PAX5: variants seen among roughly 807,000 people sequenced by gnomAD.
PAX5 encodes the protein paired box 5.
Under a neutral mutation model 43.7 loss-of-function variants are expected in PAX5, and 9 were observed. The observed-to-expected ratio is 0.21, with a 90% CI of 0.12 to 0.36. The LOEUF (loss-of-function observed/expected upper bound fraction) is 0.36. PAX5 is among the 10% of genes least tolerant of loss of function. The probability of loss-of-function intolerance (pLI) is 1.00; values close to 1 mark genes in which losing one functional copy is unlikely to be tolerated. For missense variants in PAX5, 383 were observed against 532.7 expected (o/e 0.72, Z 2.77); for synonymous variants, 228 against 214.3 (o/e 1.06, Z -0.56).
Position 36,966,691 on chromosome 9 carries a change from G to T in PAX5, c.638C>A (p.Ser213Ter). Residue 213 changes from serine (S) to a stop codon, truncating the protein, a stop_gained, in exon 6 of 10, where the codon TCG becomes TAG. Transcript: ENST00000358127. LOFTEE classifies it high-confidence loss of function. ...IQESPVPNGHSLPGRDFLRKQ... is the reference protein window; with the variant it reads ...IQESPVPNGH ...CCGGAGGAAGTCTCTGCCCGGAAGC[G>T]AGTGGCCGTTCGGCACCGGAGACTC... The T allele has an allele frequency of 6.2e-7, 1 of 1,614,200 alleles. No individual in the cohort carries two copies. The highest frequency in any genetic ancestry group is 2.2e-5 in the East Asian group (1 of 44,884).
At chr9:36,981,231 C>T (rs1214268198) in intron 5 of PAX5, among the ~76,000 whole-genome samples, 5 of 139,134 alleles carry the variant, frequency 3.6e-5, no homozygotes, top group African/African-American at 5.3e-5. Flanking sequence ...CCTCACCTAG[C>T]TTTGTTTTCC....
At chr9:36,899,129 A>T (rs1000421922) in intron 7 of PAX5, among the ~76,000 whole-genome samples, 1 of 151,608 alleles carries the variant, frequency 6.6e-6, no homozygotes, top group African/African-American at 2.4e-5. Flanking sequence ...CTTTCCCCCA[A>T]CTCGCCTCCA....
chr9:36,978,424 A>C (rs1536875), intron 5 of PAX5, among the ~76,000 whole-genome samples: 14,942 of 152,216 alleles, frequency 0.098, 925 homozygotes, highest in African/African-American at 0.18. Flanking sequence ...TTATACCTGG[A>C]AGGACCTGGA....
At chr9:36,884,158 C>A (rs1411234561) in intron 7 of PAX5, among the ~76,000 whole-genome samples, 1 of 152,176 alleles carries the variant, frequency 6.6e-6, no homozygotes, top group Non-Finnish European at 1.5e-5. Context: ...TTTCTCCAAG[C>A]TAGCATAATC....
At chr9:36,843,597 A>G (rs1190288702) in intron 9 of PAX5, among the ~76,000 whole-genome samples, 1 of 151,986 alleles carries the variant, frequency 6.6e-6, no homozygotes, top group Non-Finnish European at 1.5e-5. Flanking sequence ...TTTCTGGCCA[A>G]TATCGTTTGT....
chr9:36,907,708 C>T (rs1462949256), intron 7 of PAX5, among the ~76,000 whole-genome samples: 1 of 152,126 alleles, frequency 6.6e-6, no homozygotes, highest in East Asian at 1.9e-4. Flanking sequence ...AATTAAACAA[C>T]AATGCAGAGA....
At chr9:36,972,060 T>C (rs577361645) in intron 5 of PAX5, among the ~76,000 whole-genome samples, 2 of 152,320 alleles carry the variant, frequency 1.3e-5, no homozygotes, top group South Asian at 2.1e-4. Context: ...GAGGAAAATA[T>C]AAAAACAAAC....
Position 36,835,461 on chromosome 9 carries a change from G to A in PAX5, c.*5099C>T, listed in dbSNP as rs560222352. 38 of 232,174 alleles carry A rather than the reference G, an allele frequency of 1.6e-4. No homozygotes were observed. The highest frequency in any genetic ancestry group is 7.1e-4 in the African/African-American group (32 of 45,378). 14.4% of individuals were successfully genotyped at this position (232,174 alleles called of 1,614,324 possible). On this transcript the variant is annotated 3_prime_UTR_variant, in exon 10 of 10. Coordinates refer to ENST00000358127, the MANE Select transcript of PAX5 (RefSeq NM_016734.3). ...AGGCCCTTGGGACCTGGCGCCACACGAGGTGCAGCCGAGCTGACAGTGGGG... is the reference window on the plus strand; with the variant it reads ...AGGCCCTTGGGACCTGGCGCCACACAAGGTGCAGCCGAGCTGACAGTGGGG...
intron 5 of PAX5, among the ~76,000 whole-genome samples, chr9:36,978,232 A>G (rs1020158574): frequency 6.6e-6 from 1 of 152,232 alleles, no homozygotes; most frequent in African/African-American, 2.4e-5. Context: ...CCATTACCTC[A>G]TACAGTAGTC....
intron 7 of PAX5, among the ~76,000 whole-genome samples, chr9:36,910,127 C>G (rs532546056): frequency 6.6e-6 from 1 of 152,002 alleles, no homozygotes; most frequent in Non-Finnish European, 1.5e-5. Context: ...TTTTGATAGC[C>G]GATATGTTGA....
chr9:36,877,839 T>C (rs1056390335), intron 8 of PAX5, among the ~76,000 whole-genome samples: 5 of 152,182 alleles, frequency 3.3e-5, no homozygotes, highest in South Asian at 2.1e-4. Flanking sequence ...TCTTTGCAGA[T>C]GTGATTGACT....
intron 6 of PAX5, among the ~76,000 whole-genome samples, chr9:36,962,148 T>A (rs1045383681): frequency 2.0e-5 from 3 of 152,196 alleles, no homozygotes; most frequent in African/African-American, 7.2e-5. Context: ...TGAGGAATGT[T>A]CTTCCCATGG....
Position 36,836,134 on chromosome 9 carries a change from G to A in PAX5, c.*4426C>T. On this transcript the variant is annotated 3_prime_UTR_variant, in exon 10 of 10. Coordinates refer to ENST00000358127, the MANE Select transcript of PAX5 (RefSeq NM_016734.3). ...TGGATTTCACCCCTCAGTGCCCTGT[G>A]GCCACATCTGAGTCTCTTCCCTGCA... 4.3e-6 allele frequency: 1 copy of A among 233,410 alleles called. No homozygotes were observed. Among genetic ancestry groups the A allele is most frequent in the Non-Finnish European group, 8.5e-6 (1 of 118,170 alleles). The allele number at this position is 233,410 out of a possible 1,614,324, so 14.5% of individuals were successfully genotyped here.
At chr9:37,012,418 C>A (rs1447829107) in intron 3 of PAX5, among the ~76,000 whole-genome samples, 1 of 152,160 alleles carries the variant, frequency 6.6e-6, no homozygotes, top group Non-Finnish European at 1.5e-5. Context: ...TAGAGTCAAG[C>A]CTTAAGGACT....
intron 6 of PAX5, chr9:36,931,033 G>A (rs1831078979): frequency 6.3e-6 from 3 of 473,074 alleles, no homozygotes; most frequent in South Asian, 1.5e-5. Flanking sequence ...AGGCTGCAGG[G>A]CTGGTCACCT....
chr9:37,010,383 G>A (rs1284493103), intron 3 of PAX5, among the ~76,000 whole-genome samples: 4 of 152,166 alleles, frequency 2.6e-5, no homozygotes, highest in Admixed American at 1.3e-4. Flanking sequence ...ATTGCACAGC[G>A]AGTCAGCCCA....
intron 1 of PAX5, among the ~76,000 whole-genome samples, chr9:37,030,960 T>A (rs1840924280): frequency 6.6e-6 from 1 of 152,240 alleles, no homozygotes; most frequent in Non-Finnish European, 1.5e-5. Flanking sequence ...CTCAACCCAC[T>A]GAGTTCTGTC....
chr9:36,966,474 T>A (rs1039422672), intron 6 of PAX5, 75 bp downstream of exon 6: 1 of 1,514,518 alleles, frequency 6.6e-7, no homozygotes, highest in East Asian at 2.3e-5. Flanking sequence ...CCCCGCCAGA[T>A]GCCTCTGCCT....
chr9:36,971,290 C>T (rs1834909125), intron 5 of PAX5, among the ~76,000 whole-genome samples: 1 of 152,236 alleles, frequency 6.6e-6, no homozygotes, highest in Non-Finnish European at 1.5e-5. Context: ...TCTGGTGTCG[C>T]ACACAGTGGG....
Sources: gnomAD v4.1 joint callset for allele counts (sites outside exome capture counted in the v4.1 genomes callset) on GRCh38, gnomAD v4.1.1 for gene constraint, MANE v1.5 for transcripts, NCBI Gene and HGNC (gene_info 2026-07-23, HGNC 2026-07-21) for gene names.